SYNE1: variants seen among roughly 807,000 people sequenced by gnomAD.
SYNE1 encodes nesprin-1.
SYNE1 carries 616 observed loss-of-function variants against 1,111.0 expected under a neutral mutation model. The observed-to-expected ratio is 0.55, with a 90% CI of 0.52 to 0.59. SYNE1 has a LOEUF of 0.59. SYNE1 is among the 20% of genes least tolerant of loss of function. The pLI, the probability that SYNE1 is intolerant of heterozygous loss-of-function variation, is 0.00. For missense variants in SYNE1, 10,006 were observed against 10,417.0 expected, an observed-to-expected ratio of 0.96 and a Z score of 1.72; for synonymous variants, 3,855 against 3,825.8, an observed-to-expected ratio of 1.01 and a Z score of -0.28.
At chr6:152,338,040 C>T (rs191980654) in intron 75 of SYNE1, among the ~76,000 whole-genome samples, 6 of 151,630 alleles carry the variant, frequency 4.0e-5, no homozygotes, top group African/African-American at 9.7e-5. Flanking sequence ...CCCAGCTACT[C>T]GGGAGGTTGA....
chr6:152,434,023 G>A lies in SYNE1; in HGVS notation c.4311-78C>T. 9 of 1,295,692 alleles carry A rather than the reference G, an allele frequency of 6.9e-6. No homozygotes were observed. The South Asian group carries it at 9.0e-5, about 13-fold the overall frequency. The allele number at this position is 1,295,692 out of a possible 1,614,324, so 80.3% of individuals were successfully genotyped here. A position where few individuals can be genotyped will look rare whatever the true frequency, so the allele number is the denominator to read the frequency against. On this transcript the variant is annotated intron_variant, in intron 33 of 145. Coordinates refer to ENST00000367255, the MANE Select transcript of SYNE1 (RefSeq NM_182961.4). Reference sequence around the variant, plus strand: ...CAACACATTTTCCTTGAAATCACCAGGTGAAGAGATAATGAAGACATTTGT... The same window carrying A: ...CAACACATTTTCCTTGAAATCACCAAGTGAAGAGATAATGAAGACATTTGT...
intron 107 of SYNE1, among the ~76,000 whole-genome samples, chr6:152,241,717 T>A (rs191591966): frequency 9.7e-4 from 148 of 152,136 alleles, no homozygotes; most frequent in Admixed American, 2.1e-3. Context: ...ATCTAAACAA[T>A]GCATGTAAAA....
intron 3 of SYNE1, among the ~76,000 whole-genome samples, chr6:152,623,635 T>C (rs895603629): frequency 2.6e-5 from 4 of 152,218 alleles, no homozygotes; most frequent in Admixed American, 6.5e-5. Flanking sequence ...GACAAAGGTC[T>C]AATATCCAGC....
chr6:152,530,513 A>T (rs115281051), intron 4 of SYNE1, among the ~76,000 whole-genome samples: 3,332 of 147,610 alleles, frequency 0.023, 144 homozygotes, highest in African/African-American at 0.079. Context: ...CTTTATGTGC[A>T]GTTTCAATTA....
At position 152,184,631 on chromosome 6, in the gene SYNE1, T is replaced by TATATATAG. The variant is rs763006040; in HGVS notation, c.23302-4338_23302-4337insCTATATAT. On this transcript the variant is annotated intron_variant, in intron 128 of 145. Transcript: ENST00000367255. ...ACTAAGCAGCTGGATTATACACATA[T>TATATATAG]ATAGATAGATAGATAGATAGATAGA... Among the ~76,000 whole-genome samples, 904 of 143,018 alleles carry TATATATAG rather than the reference T, an allele frequency of 6.3e-3. 2 individuals carry two copies. The highest frequency in any genetic ancestry group is 7.2e-3 in the Non-Finnish European group (463 of 64,004). The allele number at this position is 143,018 out of a possible 152,430, so 93.8% of individuals were successfully genotyped here. A position where few individuals can be genotyped will look rare whatever the true frequency, so the allele number is the denominator to read the frequency against.
chr6:152,390,593 G>A, intron 52 of SYNE1, 141 bp from the exon 53 acceptor site: 1 of 794,636 alleles, frequency 1.3e-6, no homozygotes, highest in East Asian at 2.7e-5. Context: ...GGGCCCTATT[G>A]CAATATAATA....
intron 100 of SYNE1, among the ~76,000 whole-genome samples, chr6:152,264,318 C>T (rs963228981): frequency 4.0e-5 from 6 of 149,302 alleles, no homozygotes; most frequent in Admixed American, 2.7e-4. Context: ...AAAACCGTGT[C>T]ATCTAAAAGG....
intron 6 of SYNE1, 104 bp from the exon 7 acceptor site, chr6:152,511,207 T>C (rs1594334635): frequency 9.9e-7 from 1 of 1,014,856 alleles, no homozygotes; most frequent in East Asian, 2.5e-5. Context: ...GATTTGATCA[T>C]GCCTATGTAA....
intron 46 of SYNE1, among the ~76,000 whole-genome samples, chr6:152,401,897 T>C (rs887288832): frequency 3.3e-5 from 5 of 152,210 alleles, no homozygotes; most frequent in Non-Finnish European, 7.3e-5. Flanking sequence ...TCACTATACA[T>C]TGAAAAACAA....
At chr6:152,400,980 G>A (rs145115656) in intron 47 of SYNE1, among the ~76,000 whole-genome samples, 158 bp downstream of exon 47, 2 of 152,166 alleles carry the variant, frequency 1.3e-5, no homozygotes, top group African/African-American at 2.4e-5. Context: ...AGTTCTTCAC[G>A]TGTTGCTTAC....
chr6:152,177,950 C>T (rs1377516253), intron 129 of SYNE1, among the ~76,000 whole-genome samples: 3 of 151,718 alleles, frequency 2.0e-5, no homozygotes, highest in Non-Finnish European at 4.4e-5. Context: ...CAGTTGACAA[C>T]TGCCTTTTTC....
chr6:152,590,853 G>A (rs1397843325), intron 3 of SYNE1, among the ~76,000 whole-genome samples: 2 of 152,098 alleles, frequency 1.3e-5, no homozygotes, highest in Non-Finnish European at 2.9e-5. Context: ...GCTTAAGATT[G>A]CTTTGACTAT....
Position 152,434,169 on chromosome 6 carries a change from T to A in SYNE1, c.4311-224A>T, listed in dbSNP as rs1005464736. On this transcript the variant is annotated intron_variant, in intron 33 of 145. Coordinates refer to ENST00000367255, the MANE Select transcript of SYNE1 (RefSeq NM_182961.4). ...CATTTAATGAGGCAGTATCTACACT[T>A]TGAGTGAAACTGCACTTTGAACAAA... The A allele has an allele frequency of 1.4e-5, 8 of 551,818 alleles. No individual in the cohort carries two copies. The African/African-American group carries it at 1.5e-4, about 10-fold the overall frequency. 34.2% of individuals were successfully genotyped at this position (551,818 alleles called of 1,614,324 possible).
chr6:152,507,401 A>G (rs1459611935), intron 8 of SYNE1, among the ~76,000 whole-genome samples: 3 of 152,226 alleles, frequency 2.0e-5, no homozygotes, highest in African/African-American at 4.8e-5. Context: ...TACTGTAATG[A>G]AATAATTAAA....
intron 47 of SYNE1, among the ~76,000 whole-genome samples, chr6:152,400,371 A>G (rs956202285): frequency 6.6e-6 from 1 of 152,206 alleles, no homozygotes; most frequent in African/African-American, 2.4e-5. Context: ...TGGATAGGAA[A>G]CATGAAAATG....
chr6:152,530,422 T>C (rs1011741457), intron 4 of SYNE1, among the ~76,000 whole-genome samples: 1 of 152,098 alleles, frequency 6.6e-6, no homozygotes, highest in Non-Finnish European at 1.5e-5. Flanking sequence ...AGTAAATTTG[T>C]TCTGTAAAAC....
At position 152,407,982 on chromosome 6, in the gene SYNE1, C is replaced by T. The variant is rs144935980; in HGVS notation, c.6541-786G>A. ...TTCACCATGTTAGCCAGGCTGGTCT[C>T]GAACTCCTGACCTGAAGTGATCTGC... On this transcript the variant is annotated intron_variant, in intron 44 of 145. Coordinates refer to ENST00000367255, the MANE Select transcript of SYNE1 (RefSeq NM_182961.4). Among the ~76,000 whole-genome samples the T allele has an allele frequency of 4.4e-3, 667 of 152,014 alleles. 8 individuals carry two copies. Among genetic ancestry groups the T allele is most frequent in the African/African-American group, 0.015 (638 of 41,448 alleles).
intron 3 of SYNE1, among the ~76,000 whole-genome samples, chr6:152,564,505 C>T (rs892967716): frequency 4.6e-5 from 7 of 152,132 alleles, no homozygotes; most frequent in Non-Finnish European, 7.4e-5. Flanking sequence ...TTTGTAGAGA[C>T]GGGGTTTTGC....
At chr6:152,281,598 C>T (rs1285680218) in intron 97 of SYNE1, among the ~76,000 whole-genome samples, 1 of 152,166 alleles carries the variant, frequency 6.6e-6, no homozygotes, top group Admixed American at 6.5e-5. Flanking sequence ...GCCGGAGACA[C>T]TGTGGTCAAT....
Sources: allele counts gnomAD v4.1 joint callset (sites outside exome capture counted in the v4.1 genomes callset), GRCh38; gene constraint gnomAD v4.1.1; transcripts MANE v1.5; gene names NCBI Gene and HGNC (gene_info 2026-07-23, HGNC 2026-07-21).